Variants in SULT2B1 observed in about 807,000 individuals in gnomAD.
SULT2B1 encodes the protein sulfotransferase 2B1.
Under a neutral mutation model 33.2 loss-of-function variants are expected in SULT2B1, and 16 were observed. The ratio of observed to expected loss-of-function variants is 0.48; its 90% confidence interval spans 0.33 to 0.73. The LOEUF is 0.73. SULT2B1 is among the 30% of genes least tolerant of loss of function. SULT2B1 has a pLI of 0.02. For synonymous variants in SULT2B1, 186 were observed against 200.5 expected (o/e 0.93, Z 0.61); for missense variants, 500 against 506.0 (o/e 0.99, Z 0.11).
At chr19:48,591,887 G>GAAA in intron 4 of SULT2B1, 152 bp downstream of exon 4, 1 of 950,988 alleles carries the variant, frequency 1.1e-6, no homozygotes, top group Non-Finnish European at 1.5e-6. Flanking sequence ...GTGGCCAGGA[G>GAAA]AAGAGACGGA....
chr19:48,558,685 T>TTTC (rs1973136802), intron 1 of SULT2B1, among the ~76,000 whole-genome samples: 1 of 140,108 alleles, frequency 7.1e-6, no homozygotes, highest in African/African-American at 2.8e-5. Flanking sequence ...TTTTCTTTTT[T>TTTC]TTTTTTTTTT....
At chr19:48,591,809 G>T in intron 4 of SULT2B1, 74 bp downstream of exon 4, 1 of 1,464,676 alleles carries the variant, frequency 6.8e-7, no homozygotes, top group Non-Finnish European at 9.1e-7. Context: ...GAGGGACAGA[G>T]GAGGGGTAAG....
At chr19:48,578,978 C>A (rs1187693469) in intron 2 of SULT2B1, among the ~76,000 whole-genome samples, 1 of 152,014 alleles carries the variant, frequency 6.6e-6, no homozygotes, top group Non-Finnish European at 1.5e-5. Context: ...ATATCCCCTC[C>A]CCCCTGGGCC....
chr19:48,578,596 G>C (rs1001137650), intron 2 of SULT2B1, among the ~76,000 whole-genome samples: 1 of 151,820 alleles, frequency 6.6e-6, no homozygotes, highest in Non-Finnish European at 1.5e-5. Flanking sequence ...AACTGAGTGG[G>C]CCAGGCACGG....
chr19:48,555,883 G>A (rs917143704), intron 1 of SULT2B1, among the ~76,000 whole-genome samples: 8 of 152,066 alleles, frequency 5.3e-5, no homozygotes, highest in African/African-American at 1.4e-4. Context: ...GGGATTACAG[G>A]CACACTCTAC....
At chr19:48,559,369 T>TTTTG (rs1195416894) in intron 1 of SULT2B1, among the ~76,000 whole-genome samples, 1 of 151,470 alleles carries the variant, frequency 6.6e-6, no homozygotes, top group East Asian at 2.0e-4. Context: ...TTTTGTTTTG[T>TTTTG]TTTGTTTTGT....
Position 48,592,246 on chromosome 19 carries a change from C to T in SULT2B1, c.551-476C>T, listed in dbSNP as rs781461731. Reference sequence around the variant, plus strand: ...GGTGGAGCTTGCAGTGAGCCAAGATCGTGCCACTGCACTCCAGCCTGGGCG... The same window carrying T: ...GGTGGAGCTTGCAGTGAGCCAAGATTGTGCCACTGCACTCCAGCCTGGGCG... On this transcript the variant is annotated intron_variant, in intron 4 of 6. Coordinates refer to ENST00000201586, the MANE Select transcript of SULT2B1 (RefSeq NM_177973.2). Among the ~76,000 whole-genome samples, 4 of 151,902 alleles carry T rather than the reference C, an allele frequency of 2.6e-5. 1 individual carries two copies. The highest frequency in any genetic ancestry group is 1.3e-4 in the Admixed American group (2 of 15,234).
chr19:48,594,136 C>CAGG (rs1973680912), intron 5 of SULT2B1, among the ~76,000 whole-genome samples: 1 of 151,864 alleles, frequency 6.6e-6, no homozygotes, highest in African/African-American at 2.4e-5. Context: ...TGGCGGGCGC[C>CAGG]TGTAGCCCCA....
intron 3 of SULT2B1, 56 bp downstream of exon 3, chr19:48,587,493 T>C: frequency 1.9e-6 from 3 of 1,580,230 alleles, no homozygotes; most frequent in Non-Finnish European, 2.6e-6. Flanking sequence ...TATGGGGTAA[T>C]GGGGGGACGG....
chr19:48,554,240 C>T (rs1973065272), intron 1 of SULT2B1, among the ~76,000 whole-genome samples: 1 of 151,258 alleles, frequency 6.6e-6, no homozygotes, highest in African/African-American at 2.4e-5. Context: ...GCTGGAGCAT[C>T]CCCCTGGGGC....
intron 3 of SULT2B1, among the ~76,000 whole-genome samples, chr19:48,590,016 G>A (rs1973623404): frequency 6.6e-6 from 1 of 151,824 alleles, no homozygotes; most frequent in South Asian, 2.1e-4. Flanking sequence ...TTTCCCTCTT[G>A]TTGCCCAGGC....
At chr19:48,591,890 G>GA in intron 4 of SULT2B1, among the ~76,000 whole-genome samples, 155 bp downstream of exon 4, 1 of 151,694 alleles carries the variant, frequency 6.6e-6, no homozygotes, top group Non-Finnish European at 1.5e-5. Flanking sequence ...GCCAGGAGAA[G>GA]AGACGGAGGG....
intron 1 of SULT2B1, among the ~76,000 whole-genome samples, chr19:48,561,626 G>GT (rs760222260): frequency 5.9e-4 from 90 of 152,172 alleles, no homozygotes; most frequent in Non-Finnish European, 1.1e-3. Flanking sequence ...CGACATTCAG[G>GT]GAACAAGCCA....
intron 3 of SULT2B1, among the ~76,000 whole-genome samples, chr19:48,589,855 G>C (rs191918891): frequency 6.6e-6 from 1 of 152,228 alleles, no homozygotes; most frequent in Admixed American, 6.5e-5. Context: ...AGCTACTTGG[G>C]AGGCTGAGGT....
In SULT2B1 at chr19:48,572,446, G is replaced by A. The variant is rs561441858; in HGVS notation, c.72-3495G>A. Among the ~76,000 whole-genome samples, 14 of 152,212 alleles carry A rather than the reference G, an allele frequency of 9.2e-5. No homozygotes were observed. In the South Asian group the frequency reaches 1.7e-3, roughly 18 times the overall value. ...GAGAATAGCTTGAACCCAGGAAGGC[G>A]GAGGTTGCAGTGAGCTGAGATCACA... On this transcript the variant is annotated intron_variant, in intron 1 of 6. Transcript: ENST00000201586.
chr19:48,561,581 G>T (rs1484724786), intron 1 of SULT2B1, among the ~76,000 whole-genome samples: 1 of 152,148 alleles, frequency 6.6e-6, no homozygotes, highest in Non-Finnish European at 1.5e-5. Context: ...GACAGGCGTC[G>T]TGCAGGGTGC....
At chr19:48,586,599 G>T (rs1405098366) in intron 2 of SULT2B1, among the ~76,000 whole-genome samples, 1 of 152,190 alleles carries the variant, frequency 6.6e-6, no homozygotes, top group Non-Finnish European at 1.5e-5. Context: ...GAAGAGAAAA[G>T]GTCATCACGC....
intron 3 of SULT2B1, among the ~76,000 whole-genome samples, 179 bp downstream of exon 3, chr19:48,587,616 G>A (rs1453065603): frequency 6.6e-6 from 1 of 152,162 alleles, no homozygotes; most frequent in Non-Finnish European, 1.5e-5. Context: ...CTTTGGCAGG[G>A]AGTGATGGCT....
At chr19:48,594,701 G>A (rs1973687275) in intron 5 of SULT2B1, among the ~76,000 whole-genome samples, 3 of 152,324 alleles carry the variant, frequency 2.0e-5, no homozygotes, top group African/African-American at 7.2e-5. Flanking sequence ...CCAGAGGGCT[G>A]ACCATGCTGG....
Sources: gnomAD v4.1 joint callset for allele counts (sites outside exome capture counted in the v4.1 genomes callset) on GRCh38, gnomAD v4.1.1 for gene constraint, MANE v1.5 for transcripts, NCBI Gene and HGNC (gene_info 2026-07-23, HGNC 2026-07-21) for gene names.